Variants in SFXN5 observed in about 807,000 individuals in gnomAD.
SFXN5 encodes the protein sideroflexin-5.
Under a neutral mutation model 50.2 loss-of-function variants are expected in SFXN5, and 43 were observed. The observed-to-expected ratio is 0.86, with a 90% CI of 0.67 to 1.11. The LOEUF (loss-of-function observed/expected upper bound fraction) is 1.11, where lower values mean the gene tolerates loss of function less well. SFXN5 is among the 50% of genes least tolerant of loss of function. The pLI, the probability that SFXN5 is intolerant of heterozygous loss-of-function variation, is 0.00. For synonymous variants in SFXN5, 203 were observed against 185.8 expected (o/e 1.09, Z -0.75); for missense variants, 463 against 454.1 (o/e 1.02, Z -0.18).
At chr2:72,964,889 A>C (rs1462768466) in intron 12 of SFXN5, among the ~76,000 whole-genome samples, 2 of 152,212 alleles carry the variant, frequency 1.3e-5, no homozygotes, top group African/African-American at 4.8e-5. Flanking sequence ...GGACGGGTTC[A>C]GTCCCAGAAT....
At chr2:73,043,715 G>A (rs1483730853) in intron 2 of SFXN5, among the ~76,000 whole-genome samples, 1 of 151,970 alleles carries the variant, frequency 6.6e-6, no homozygotes, top group Admixed American at 6.6e-5. Flanking sequence ...TTTCCCCATT[G>A]TACAAGTTAA....
rs1673781951 is a variant in SFXN5, at chr2:72,961,828, A to T, written c.828-580T>A. Among the ~76,000 whole-genome samples, 1 of 152,030 alleles carries T rather than the reference A, an allele frequency of 6.6e-6. No homozygotes were observed. On this transcript the variant is annotated intron_variant, in intron 12 of 13. Coordinates refer to ENST00000272433, the MANE Select transcript of SFXN5 (RefSeq NM_144579.3). This position sits in a 1 kb window ranked among gnomAD's most constrained non-coding sequence, Gnocchi z 4.4. The stretch of plus-strand genomic sequence containing the variant: ...CCCAAGGGCAACAGAGGGTGCAATG[A>T]CTCGTCCAAGGCCAAGTCTGCAGGA...
intron 2 of SFXN5, among the ~76,000 whole-genome samples, chr2:73,050,982 T>C (rs2105981992): frequency 6.6e-6 from 1 of 152,366 alleles, no homozygotes; most frequent in East Asian, 1.9e-4. Flanking sequence ...CCACATACCC[T>C]AGTTCATTGC....
At chr2:73,046,517 G>A (rs1386797170) in intron 2 of SFXN5, among the ~76,000 whole-genome samples, 1 of 151,978 alleles carries the variant, frequency 6.6e-6, no homozygotes, top group East Asian at 1.9e-4. Flanking sequence ...GGTTATTTAT[G>A]CCACAAAACT....
intron 1 of SFXN5, among the ~76,000 whole-genome samples, chr2:73,060,853 C>T (rs1317822281): frequency 1.3e-5 from 2 of 152,034 alleles, no homozygotes; most frequent in African/African-American, 4.8e-5. Context: ...GCCAGTGACA[C>T]CACGCCCGGC....
chr2:72,943,956 A>C lies in SFXN5; in HGVS notation c.*1066T>G, dbSNP rs1559069169. 1 of 152,282 alleles carries C rather than the reference A, an allele frequency of 6.6e-6. No individual in the cohort carries two copies. Among genetic ancestry groups the C allele is most frequent in the Non-Finnish European group, 1.5e-5 (1 of 68,072 alleles). 9.4% of individuals were successfully genotyped at this position (152,282 alleles called of 1,614,324 possible). On this transcript the variant is annotated 3_prime_UTR_variant, in exon 14 of 14. Coordinates refer to ENST00000272433, the MANE Select transcript of SFXN5 (RefSeq NM_144579.3). Reference sequence around the variant, plus strand: ...ACATCTCACTGCCATTTAGTGACAGAGCCAGGGCCCACTGCTCCTAGGTTG... The same window carrying C: ...ACATCTCACTGCCATTTAGTGACAGCGCCAGGGCCCACTGCTCCTAGGTTG...
chr2:73,004,689 C>A (rs1176403144), intron 6 of SFXN5, among the ~76,000 whole-genome samples: 12 of 151,958 alleles, frequency 7.9e-5, no homozygotes, highest in African/African-American at 2.9e-4. Context: ...CGAGCTGCAT[C>A]GGCCAAATGG....
intron 2 of SFXN5, among the ~76,000 whole-genome samples, chr2:73,043,238 A>T (rs1679881803): frequency 6.6e-6 from 1 of 152,236 alleles, no homozygotes; most frequent in Admixed American, 6.5e-5. Context: ...TGATGGAGAG[A>T]TGAGACTGGC....
At chr2:72,972,626 G>A (rs1171646878) in intron 10 of SFXN5, among the ~76,000 whole-genome samples, 2 of 152,116 alleles carry the variant, frequency 1.3e-5, no homozygotes, top group Admixed American at 6.5e-5. Flanking sequence ...CAGTGTGGGT[G>A]TTGACCCCGC....
intron 3 of SFXN5, among the ~76,000 whole-genome samples, chr2:73,036,776 G>A (rs1222902504): frequency 6.6e-6 from 1 of 152,234 alleles, no homozygotes; most frequent in East Asian, 1.9e-4. Flanking sequence ...GGTCTCAGAA[G>A]AACACGAAAA....
intron 6 of SFXN5, among the ~76,000 whole-genome samples, chr2:73,016,048 C>A (rs1049075844): frequency 6.6e-6 from 1 of 151,692 alleles, no homozygotes; most frequent in African/African-American, 2.4e-5. Flanking sequence ...AAATGTATTG[C>A]CTTGAGTTGT....
At chr2:72,985,767 G>A (rs1284966539) in intron 10 of SFXN5, among the ~76,000 whole-genome samples, 1 of 152,180 alleles carries the variant, frequency 6.6e-6, no homozygotes, top group African/African-American at 2.4e-5. Flanking sequence ...GCACCTGTGT[G>A]AGCGGCTGAA....
intron 10 of SFXN5, among the ~76,000 whole-genome samples, chr2:72,980,075 T>A (rs1671100128): frequency 1.3e-5 from 2 of 152,296 alleles, no homozygotes; most frequent in East Asian, 3.9e-4. Context: ...TACTTCCATA[T>A]TCCACTTCCT....
At chr2:72,991,143 G>C (rs1038304492) in intron 9 of SFXN5, among the ~76,000 whole-genome samples, 6 of 152,224 alleles carry the variant, frequency 3.9e-5, no homozygotes, top group Non-Finnish European at 1.5e-5. Context: ...AAGGAGGAAA[G>C]GTGACCATCA....
intron 2 of SFXN5, among the ~76,000 whole-genome samples, chr2:73,053,084 C>T (rs1681599412): frequency 6.6e-6 from 1 of 151,400 alleles, no homozygotes; most frequent in Admixed American, 6.6e-5. Flanking sequence ...GGCTGAAGCA[C>T]GAGAATTGCT....
intron 10 of SFXN5, among the ~76,000 whole-genome samples, chr2:72,972,306 C>A (rs956777297): frequency 3.3e-5 from 5 of 152,206 alleles, no homozygotes; most frequent in Admixed American, 1.3e-4. Context: ...TGGGACAGAG[C>A]AGAAAGGCTA....
chr2:73,064,248 C>T (rs1240002166), intron 1 of SFXN5, among the ~76,000 whole-genome samples: 1 of 152,278 alleles, frequency 6.6e-6, no homozygotes, highest in South Asian at 2.1e-4. Flanking sequence ...ATAATATACT[C>T]GCTGAACCTA....
chr2:73,044,633 A>G (rs1680085443), intron 2 of SFXN5: 1 of 152,772 alleles, frequency 6.5e-6, no homozygotes, highest in African/African-American at 2.4e-5. Context: ...TGAACTCCGC[A>G]GGAAGTCTTT....
chr2:73,003,800 C>G (rs1674239457), intron 6 of SFXN5, among the ~76,000 whole-genome samples: 1 of 152,200 alleles, frequency 6.6e-6, no homozygotes, highest in Non-Finnish European at 1.5e-5. Context: ...GGGCTATGTA[C>G]CACACACATA....
Sources: allele counts gnomAD v4.1 joint callset (sites outside exome capture counted in the v4.1 genomes callset), GRCh38; gene constraint gnomAD v4.1.1; non-coding constraint Gnocchi (gnomAD v3.1); transcripts MANE v1.5; gene names NCBI Gene and HGNC (gene_info 2026-07-23, HGNC 2026-07-21).